The following TLK2 variants were observed in gnomAD, a reference collection of about 807,000 sequenced individuals.
TLK2 encodes the protein tousled like kinase 2.
In TLK2, 6 loss-of-function variants were observed where a neutral mutation model predicts 117.3. The observed-to-expected ratio is 0.05, with a 90% CI of 0.03 to 0.10. TLK2 has a LOEUF of 0.10. TLK2 is among the 10% of genes least tolerant of loss of function. The pLI, the probability that TLK2 is intolerant of heterozygous loss-of-function variation, is 1.00. For synonymous variants in TLK2, 257 were observed against 316.7 expected (o/e 0.81, Z 2.00); for missense variants, 299 against 901.2 (o/e 0.33, Z 8.56).
At chr17:62,595,523 G>A (rs1013026325) in intron 16 of TLK2, among the ~76,000 whole-genome samples, 3 of 151,608 alleles carry the variant, frequency 2.0e-5, no homozygotes, top group Admixed American at 2.0e-4. Context: ...ATGACTGCTG[G>A]GTTACCAGGT....
intron 2 of TLK2, among the ~76,000 whole-genome samples, chr17:62,514,575 C>CCTTCTTTTTTTTTTTT (rs1567827820): frequency 6.7e-6 from 1 of 150,330 alleles, no homozygotes; most frequent in African/African-American, 2.4e-5. Context: ...ACCATCTTAA[C>CCTTCTTTTTTTTTTTT]CTTCTTTTTT....
chr17:62,586,306 C>A, intron 16 of TLK2, 80 bp downstream of exon 16: 2 of 994,766 alleles, frequency 2.0e-6, no homozygotes, highest in South Asian at 1.5e-5. Context: ...GCTTTACGTG[C>A]ATTGTTGTTG....
chr17:62,586,884 G>C (rs998643827), intron 16 of TLK2, among the ~76,000 whole-genome samples: 18 of 151,794 alleles, frequency 1.2e-4, no homozygotes, highest in Non-Finnish European at 2.9e-5. Flanking sequence ...AGCTGCTGGT[G>C]GGCTGTTTCT....
intron 16 of TLK2, among the ~76,000 whole-genome samples, chr17:62,588,251 C>T (rs1056979423): frequency 6.6e-6 from 1 of 152,114 alleles, no homozygotes; most frequent in African/African-American, 2.4e-5. Context: ...GCTGACCTTG[C>T]AGAGAGCTCT....
At chr17:62,594,959 C>G (rs1400632041) in intron 16 of TLK2, among the ~76,000 whole-genome samples, 1 of 152,122 alleles carries the variant, frequency 6.6e-6, no homozygotes, top group East Asian at 1.9e-4. Context: ...GTGGTGCCGA[C>G]CAGGAATTGA....
At chr17:62,606,834 G>A (rs1352456392) in intron 20 of TLK2, among the ~76,000 whole-genome samples, 1 of 152,070 alleles carries the variant, frequency 6.6e-6, no homozygotes, top group Non-Finnish European at 1.5e-5. Flanking sequence ...ATCCATTTGT[G>A]TATTTATGTT....
chr17:62,608,845 T>TA (rs1470896937), intron 21 of TLK2, among the ~76,000 whole-genome samples: 1 of 81,474 alleles, frequency 1.2e-5, no homozygotes, highest in African/African-American at 5.1e-5. Context: ...GGTGAGGGCA[T>TA]AAAAAACTCG....
Position 62,549,419 on chromosome 17 carries a change from A to AAAAAAAAGT in TLK2, c.532-2876_532-2875insGTAAAAAAA, listed in dbSNP as rs60155363. ...ATCTCAAAAAAAAAAAAAAAAAAAA[A>AAAAAAAAGT]AAAAAAAAAAAAAAAAAATAGAAAC... On this transcript the variant is annotated intron_variant, in intron 7 of 21. Coordinates refer to ENST00000346027, the MANE Select transcript of TLK2 (RefSeq NM_006852.6). Among the ~76,000 whole-genome samples the AAAAAAAAGT allele has an allele frequency of 5.4e-3, 42 of 7,756 alleles. 2 individuals carry two copies. Among genetic ancestry groups the AAAAAAAAGT allele is most frequent in the Admixed American group, 0.013 (4 of 310 alleles). The allele number at this position is 7,756 out of a possible 152,430, so 5.1% of individuals were successfully genotyped here.
At chr17:62,612,098 A>G in intron 21 of TLK2, 1 of 222,690 alleles carries the variant, frequency 4.5e-6, no homozygotes, top group Non-Finnish European at 8.7e-6. Context: ...TGTTGGTCTT[A>G]GTGCTTTGGG....
intron 12 of TLK2, 101 bp from the exon 13 acceptor site, chr17:62,576,608 C>A: frequency 4.4e-6 from 4 of 910,962 alleles, no homozygotes; most frequent in South Asian, 1.4e-5. Context: ...TTAACTGAGA[C>A]TGAAACTGAA....
At chr17:62,481,339 C>CT in intron 2 of TLK2, 133 bp downstream of exon 2, 2 of 868,108 alleles carry the variant, frequency 2.3e-6, no homozygotes, top group South Asian at 1.6e-5. Flanking sequence ...TTTCAGTGAA[C>CT]TTTTAGATCC....
chr17:62,488,548 T>C (rs2072737340), intron 2 of TLK2, among the ~76,000 whole-genome samples: 1 of 152,228 alleles, frequency 6.6e-6, no homozygotes, highest in Admixed American at 6.5e-5. Context: ...TAATTTACTT[T>C]AGTATTTATT....
intron 2 of TLK2, among the ~76,000 whole-genome samples, chr17:62,484,669 GGAT>G (rs1394540423): frequency 6.6e-6 from 1 of 152,056 alleles, no homozygotes; most frequent in Admixed American, 6.6e-5. Context: ...GGTGTGGAGG[GGAT>G]GATGATACTG....
intron 6 of TLK2, among the ~76,000 whole-genome samples, chr17:62,530,338 C>T (rs1268514957): frequency 6.6e-6 from 1 of 152,036 alleles, no homozygotes; most frequent in Non-Finnish European, 1.5e-5. Flanking sequence ...TGGTGGCATG[C>T]ACCTTGTAGT....
chr17:62,573,227 G>T lies in TLK2; in HGVS notation c.981G>T (p.Arg327Ser). 1 of 1,612,974 alleles carries T rather than the reference G, an allele frequency of 6.2e-7. No individual in the cohort carries two copies. Among genetic ancestry groups the T allele is most frequent in the Non-Finnish European group, 8.5e-7 (1 of 1,179,326 alleles). The change falls in exon 12 of 22, where the codon AGG (arginine) becomes AGT (serine). Residue 327 changes from arginine to serine, a missense_variant. Around this residue, in one of 4 missense-constraint regions of TLK2, gnomAD observed 94 missense variants for 282.6 expected, o/e 0.33. Transcript: ENST00000346027. ...TTTATATCTCTAGGCAACAGGAAAG[G>T]ATAAATTCACAGAGGGAAGAGATAG... ...AFQNLIKQQE[R>S]INSQREEIER... is the part of the protein sequence containing the mutation.
chr17:62,508,681 T>C (rs2074911692), intron 2 of TLK2: 7 of 652,718 alleles, frequency 1.1e-5, no homozygotes, highest in Non-Finnish European at 1.1e-5. Context: ...AAAATCAGAA[T>C]AGGGGCCGGG....
At chr17:62,559,098 G>C (rs1447317230) in intron 9 of TLK2, among the ~76,000 whole-genome samples, 1 of 152,062 alleles carries the variant, frequency 6.6e-6, no homozygotes, top group African/African-American at 2.4e-5. Flanking sequence ...GTTATTGCAG[G>C]AGGCTTTAAG....
intron 7 of TLK2, among the ~76,000 whole-genome samples, chr17:62,549,221 C>T (rs1216872486): frequency 2.8e-5 from 4 of 145,390 alleles, no homozygotes; most frequent in African/African-American, 7.5e-5. Flanking sequence ...GTGAAAACAC[C>T]GTCTGTACTA....
upstream of TLK2, among the ~76,000 whole-genome samples, chr17:62,476,461 T>C (rs1250866402): frequency 1.3e-5 from 2 of 152,096 alleles, no homozygotes; most frequent in Non-Finnish European, 2.9e-5. Flanking sequence ...TGTGCGCCTG[T>C]AATCCCAGCT....
Sources: allele counts gnomAD v4.1 joint callset (sites outside exome capture counted in the v4.1 genomes callset), GRCh38; gene constraint gnomAD v4.1.1; regional missense constraint gnomAD v4.1.1; transcripts MANE v1.5; gene names NCBI Gene and HGNC (gene_info 2026-07-23, HGNC 2026-07-21).